LPP: variants seen among roughly 807,000 people sequenced by gnomAD.
The protein encoded by LPP is lipoma-preferred partner.
A neutral mutation model predicts 60.4 loss-of-function variants in LPP; 38 were observed. The ratio of observed to expected loss-of-function variants is 0.63; its 90% CI spans 0.49 to 0.83. The LOEUF (loss-of-function observed/expected upper bound fraction) is 0.83, where lower values mean the gene tolerates loss of function less well. Ranked by LOEUF, LPP falls within the 40% of genes least tolerant of loss-of-function variation. The pLI is 0.00. For missense variants in LPP, 902 were observed against 783.6 expected (o/e 1.15, Z -1.80); for synonymous variants, 328 against 290.8 (o/e 1.13, Z -1.30).
At chr3:188,806,715 C>T (rs1252455555) in intron 9 of LPP, among the ~76,000 whole-genome samples, 3 of 151,724 alleles carry the variant, frequency 2.0e-5, no homozygotes, top group Admixed American at 1.3e-4. Flanking sequence ...TAGTATTACC[C>T]TTTGATTTGC....
At chr3:188,181,725 A>T (rs1191891046) in intron 1 of LPP, among the ~76,000 whole-genome samples, 1 of 152,204 alleles carries the variant, frequency 6.6e-6, no homozygotes, top group African/African-American at 2.4e-5. Flanking sequence ...TAAAAAATTA[A>T]TTGGTTACTT....
chr3:188,748,590 T>C (rs773002761), intron 8 of LPP, among the ~76,000 whole-genome samples: 82 of 152,224 alleles, frequency 5.4e-4, no homozygotes, highest in African/African-American at 1.7e-3. Context: ...GAGATCAGCC[T>C]GGCTAACATA....
At chr3:188,863,206 A>G (rs906904338) in intron 9 of LPP, among the ~76,000 whole-genome samples, 1 of 152,220 alleles carries the variant, frequency 6.6e-6, no homozygotes, top group Admixed American at 6.5e-5. Context: ...GATTAATACA[A>G]TTACAGAGTT....
intron 9 of LPP, among the ~76,000 whole-genome samples, chr3:188,776,973 A>G (rs1738005556): frequency 6.6e-6 from 1 of 151,896 alleles, no homozygotes. Context: ...GAGAATAACG[A>G]CTCCCAATTC....
intron 4 of LPP, among the ~76,000 whole-genome samples, chr3:188,458,250 A>G (rs914412924): frequency 6.6e-6 from 1 of 152,184 alleles, no homozygotes; most frequent in African/African-American, 2.4e-5. Context: ...TAAAAGATTC[A>G]GCAGGGATTT....
Position 188,609,414 on chromosome 3 carries a change from C to A in LPP, c.683C>A (p.Ala228Asp). The A allele has an allele frequency of 6.2e-7, 1 of 1,614,146 alleles. No individual in the cohort carries two copies. The highest frequency in any genetic ancestry group is 8.5e-7 in the Non-Finnish European group (1 of 1,180,026). ...RPTFNVQVKS[A>D]QPSPHYMAAP... Reference sequence around the variant, plus strand: ...ACCTTTAATGTGCAGGTGAAGTCAGCCCAGCCCAGCCCTCATTATATGGCT... The same window carrying A: ...ACCTTTAATGTGCAGGTGAAGTCAGACCAGCCCAGCCCTCATTATATGGCT... The change falls in exon 7 of 12, where the codon GCC (alanine) becomes GAC (aspartate). Residue 228 changes from alanine to aspartate, a missense_variant. Ala to Asp is a moderately radical substitution (Grantham distance 126, BLOSUM62 -2). Coordinates refer to ENST00000617246, the MANE Select transcript of LPP (RefSeq NM_001375462.1). The surrounding 1 kb of genome is among the most constrained non-coding windows in gnomAD (Gnocchi z 6.9).
intron 6 of LPP, among the ~76,000 whole-genome samples, chr3:188,565,027 A>C (rs1202194487): frequency 6.6e-6 from 1 of 151,762 alleles, no homozygotes; most frequent in East Asian, 1.9e-4. Flanking sequence ...GTATCCTTAC[A>C]CTGAAAAGCC....
chr3:188,276,865 T>TTCAACAAC (rs1256084123), intron 2 of LPP, among the ~76,000 whole-genome samples: 14 of 147,612 alleles, frequency 9.5e-5, no homozygotes, highest in African/African-American at 3.5e-4. Flanking sequence ...GAGCCAATAA[T>TTCAACAAC]TCAACAACTC....
intron 2 of LPP, among the ~76,000 whole-genome samples, chr3:188,332,136 A>G (rs1245772919): frequency 1.3e-5 from 2 of 152,082 alleles, no homozygotes; most frequent in Non-Finnish European, 1.5e-5. Flanking sequence ...AGTTACCATC[A>G]TGTTTAGATT....
chr3:188,832,422 A>T lies in LPP; in HGVS notation c.1411-33778A>T, dbSNP rs530735122. Among the ~76,000 whole-genome samples, 5 of 152,294 alleles carry T rather than the reference A, an allele frequency of 3.3e-5. No individual in the cohort carries two copies. The East Asian group carries it at 7.7e-4, about 24-fold the overall frequency. On this transcript the variant is annotated intron_variant, in intron 9 of 11. Coordinates refer to ENST00000617246, the MANE Select transcript of LPP (RefSeq NM_001375462.1). ...GAATGTGCCTGGAAAAGATTCTTCC[A>T]CAGCCAACCCTCCAGATGAGAATGC...
At chr3:188,279,919 C>G (rs1488905398) in intron 2 of LPP, among the ~76,000 whole-genome samples, 1 of 152,150 alleles carries the variant, frequency 6.6e-6, no homozygotes, top group African/African-American at 2.4e-5. Context: ...TTTTTAATGA[C>G]AGGTAACTCC....
intron 2 of LPP, among the ~76,000 whole-genome samples, chr3:188,266,113 G>A (rs1161110721): frequency 6.6e-6 from 1 of 151,910 alleles, no homozygotes; most frequent in Admixed American, 6.6e-5. Context: ...CCATGTGTGT[G>A]TTCTTCCCAT....
intron 3 of LPP, among the ~76,000 whole-genome samples, chr3:188,385,881 C>A (rs1215811133): frequency 6.6e-6 from 1 of 152,132 alleles, no homozygotes; most frequent in African/African-American, 2.4e-5. Flanking sequence ...AGTGCGGTCT[C>A]TCATGAAGTT....
chr3:188,251,792 G>A (rs1729732670), intron 2 of LPP, among the ~76,000 whole-genome samples: 1 of 151,576 alleles, frequency 6.6e-6, no homozygotes, highest in Non-Finnish European at 1.5e-5. Flanking sequence ...TGGTCATTAT[G>A]TTCATTTAAA....
At chr3:188,741,367 A>G (rs1724362581) in intron 8 of LPP, among the ~76,000 whole-genome samples, 1 of 152,028 alleles carries the variant, frequency 6.6e-6, no homozygotes, top group Non-Finnish European at 1.5e-5. Context: ...CAGGTGGTCT[A>G]AGTTCTCCAA....
chr3:188,614,497 C>T (rs1454991150), intron 7 of LPP, among the ~76,000 whole-genome samples: 1 of 152,130 alleles, frequency 6.6e-6, no homozygotes, highest in Non-Finnish European at 1.5e-5. Flanking sequence ...TTAGTAATTC[C>T]TCTTTGTACA....
intron 5 of LPP, among the ~76,000 whole-genome samples, chr3:188,509,219 C>A (rs2149990929): frequency 6.6e-6 from 1 of 152,264 alleles, no homozygotes; most frequent in African/African-American, 2.4e-5. Flanking sequence ...ACACAACATA[C>A]CACCAGAAAA....
chr3:188,179,275 C>T (rs533850382), intron 1 of LPP: 11 of 458,310 alleles, frequency 2.4e-5, no homozygotes, highest in Middle Eastern at 3.2e-4. Flanking sequence ...GTCTTCGCAG[C>T]GGAGCTTCTT....
chr3:188,200,245 A>AT (rs532406589), intron 1 of LPP, among the ~76,000 whole-genome samples: 20,586 of 139,826 alleles, frequency 0.15, 1,830 homozygotes, highest in Middle Eastern at 0.21. Flanking sequence ...GGGTTTAAGA[A>AT]TTTTTTTTTT....
Sources: allele counts gnomAD v4.1 joint callset (sites outside exome capture counted in the v4.1 genomes callset), GRCh38; gene constraint gnomAD v4.1.1; non-coding constraint Gnocchi (gnomAD v3.1); transcripts MANE v1.5; gene names NCBI Gene and HGNC (gene_info 2026-07-23, HGNC 2026-07-21).